ZFAT: variants seen among roughly 807,000 people sequenced by gnomAD.
ZFAT encodes zinc finger protein ZFAT.
ZFAT carries 64 observed loss-of-function variants against 117.7 expected under a neutral mutation model. The ratio of observed to expected loss-of-function variants is 0.54; its 90% CI spans 0.44 to 0.67. The LOEUF (loss-of-function observed/expected upper bound fraction) is 0.67, where lower values mean the gene tolerates loss of function less well. ZFAT is among the 30% of genes least tolerant of loss of function. ZFAT has a pLI of 0.00. For synonymous variants in ZFAT, 679 were observed against 615.0 expected, an observed-to-expected ratio of 1.10 and a Z score of -1.54; for missense variants, 1,433 against 1,584.5, an observed-to-expected ratio of 0.90 and a Z score of 1.62.
At position 134,697,883 on chromosome 8, in the gene ZFAT, TACA is replaced by T. The variant is rs1038933083; in HGVS notation, c.19+14959_19+14961del. On this transcript the variant is annotated intron_variant, in intron 1 of 15. Transcript: ENST00000377838. The stretch of plus-strand genomic sequence containing the variant: ...GGCGTGAGCCACCGCACCCAGCCAG[TACA>T]ACAATATTTAACATGCTCAGTGCTG... 5.5e-5 allele frequency among the ~76,000 whole-genome samples: 8 copies of T among 144,242 alleles called. No homozygotes were observed. The East Asian group carries it at 1.7e-3, about 31-fold the overall frequency. 94.6% of individuals were successfully genotyped at this position (144,242 alleles called of 152,430 possible). A position where few individuals can be genotyped will look rare whatever the true frequency, so the allele number is the denominator to read the frequency against.
chr8:134,611,988 C>T (rs1452847976), intron 3 of ZFAT, among the ~76,000 whole-genome samples: 1 of 152,180 alleles, frequency 6.6e-6, no homozygotes, highest in Non-Finnish European at 1.5e-5. Context: ...AAGTGAAGAA[C>T]AAAGGAGCCA....
the ZFAT span, among the ~76,000 whole-genome samples, chr8:134,776,524 TTTGTTG>T: frequency 1.3e-5 from 2 of 152,070 alleles, no homozygotes; most frequent in Non-Finnish European, 1.5e-5. Flanking sequence ...GGCTTCGTTT[TTTGTTG>T]TTGTTGTTGT....
intron 11 of ZFAT, among the ~76,000 whole-genome samples, chr8:134,556,068 G>GAAGA (rs1823592239): frequency 1.8e-5 from 2 of 109,804 alleles, no homozygotes; most frequent in Non-Finnish European, 3.6e-5. Context: ...AGGAAGGAAG[G>GAAGA]AAGGAAGGGA....
chr8:134,819,282 G>GA, the ZFAT span, among the ~76,000 whole-genome samples: 5 of 150,160 alleles, frequency 3.3e-5, no homozygotes, highest in Admixed American at 1.3e-4. Flanking sequence ...AAAAAAAAAG[G>GA]AAAAAAAAGA....
Position 134,600,542 on chromosome 8 carries a change from A to C in ZFAT, c.2369T>G (p.Ile790Ser), listed in dbSNP as rs1827338802. 6.2e-7 allele frequency: 1 copy of C among 1,614,148 alleles called. No individual in the cohort carries two copies. Among genetic ancestry groups the C allele is most frequent in the Non-Finnish European group, 8.5e-7 (1 of 1,180,032 alleles). The change falls in exon 7 of 16, where the codon ATT (isoleucine) becomes AGT (serine). Residue 790 changes from isoleucine (I) to serine (S), a missense_variant. Physicochemically the swap from Ile to Ser is moderately radical, Grantham distance 142 (BLOSUM62 -2). Around this residue, in one of 5 missense-constraint regions of ZFAT, gnomAD observed 49 missense variants for 81.5 expected, o/e 0.60. Coordinates refer to ENST00000377838, the MANE Select transcript of ZFAT (RefSeq NM_020863.4). ...CAGCAAGATGTTACTGTGTTTCTGA[A>C]TTACGTGGCGTTTAAGGCAGTTTTT... ...ITKNCLKRHVIQKHSNILLKC... is the reference protein window; with the variant it reads ...ITKNCLKRHVSQKHSNILLKC...
At chr8:134,741,310 A>G in the ZFAT span, among the ~76,000 whole-genome samples, 3,133 of 151,662 alleles carry the variant, frequency 0.021, 112 homozygotes, top group African/African-American at 0.072. Flanking sequence ...CTGCTCCAGT[A>G]CTTCTCTGAA....
the ZFAT span, chr8:134,794,648 T>C: frequency 2.0e-5 from 3 of 152,264 alleles, no homozygotes; most frequent in African/African-American, 7.2e-5. Flanking sequence ...TAATACAGAC[T>C]ATTTATCTGT....
chr8:134,501,393 A>G (rs548208897), intron 15 of ZFAT, among the ~76,000 whole-genome samples: 4 of 152,312 alleles, frequency 2.6e-5, no homozygotes, highest in Admixed American at 6.5e-5. Context: ...TCCAAATACA[A>G]TGAAGAGTAA....
Position 134,519,743 on chromosome 8 carries a change from C to A in ZFAT, c.3234+1140G>T, listed in dbSNP as rs1022374979. On this transcript the variant is annotated intron_variant, in intron 13 of 15. Transcript: ENST00000377838. ...GTTAAAGAACAGCAGAGCCACCGGGCACTCTTGTCTGCTTCTGACTTCTGT... is the reference window on the plus strand; with the variant it reads ...GTTAAAGAACAGCAGAGCCACCGGGAACTCTTGTCTGCTTCTGACTTCTGT... Among the ~76,000 whole-genome samples, 8 of 152,326 alleles carry A rather than the reference C, an allele frequency of 5.3e-5. No homozygotes were observed. In the South Asian group the frequency reaches 1.5e-3, roughly 28 times the overall value.
chr8:134,652,772 C>T (rs558513063), intron 2 of ZFAT, among the ~76,000 whole-genome samples: 10 of 152,150 alleles, frequency 6.6e-5, no homozygotes, highest in Admixed American at 5.9e-4. Context: ...AAGATAATAT[C>T]CTTGGGTTGA....
intron 11 of ZFAT, among the ~76,000 whole-genome samples, chr8:134,559,638 C>T (rs1563848317): frequency 1.3e-5 from 2 of 152,248 alleles, no homozygotes; most frequent in Non-Finnish European, 2.9e-5. Flanking sequence ...CACTAACACT[C>T]CCACCAGCAA....
rs1190727516 is a variant in ZFAT, at chr8:134,602,349, A to G, written c.1370T>C (p.Val457Ala). The G allele has an allele frequency of 3.1e-6, 5 of 1,613,718 alleles. No individual in the cohort carries two copies. Among genetic ancestry groups the G allele is most frequent in the Non-Finnish European group, 4.2e-6 (5 of 1,180,056 alleles). The stretch of plus-strand genomic sequence containing the variant: ...CTTGCGGCAGACGGCACAGACGTAC[A>G]CGAAGGGGTGCTTCCTGACATGCAG... ...LELHVRKHPF[V>A]YVCAVCRKKF... Residue 457 changes from valine to alanine, a missense_variant, in exon 6 of 16, where the codon GTG becomes GCG. Physicochemically the swap from Val to Ala is moderately conservative, Grantham distance 64 (BLOSUM62 0). Coordinates refer to ENST00000377838, the MANE Select transcript of ZFAT (RefSeq NM_020863.4).
chr8:134,493,557 A>C (rs1306356348), intron 15 of ZFAT, among the ~76,000 whole-genome samples: 1 of 152,250 alleles, frequency 6.6e-6, no homozygotes, highest in Non-Finnish European at 1.5e-5. Context: ...ATTTGACTAG[A>C]AAAGGAAACC....
At chr8:134,713,813 C>A (rs1814138344), upstream of ZFAT, among the ~76,000 whole-genome samples, 1 of 152,060 alleles carries the variant, frequency 6.6e-6, no homozygotes, top group East Asian at 1.9e-4. Flanking sequence ...CGAAACCCAT[C>A]TAAAGTAACC....
the ZFAT span, among the ~76,000 whole-genome samples, chr8:134,818,160 C>A: frequency 2.6e-5 from 4 of 152,134 alleles, no homozygotes; most frequent in African/African-American, 9.7e-5. Flanking sequence ...AAAATTAAAA[C>A]CTTTGCCCTT....
rs1827487021 is a variant in ZFAT, at chr8:134,601,794, C to G, written c.1925G>C (p.Gly642Ala). The G allele has an allele frequency of 6.2e-7, 1 of 1,613,792 alleles. No individual in the cohort carries two copies. The highest frequency in any genetic ancestry group is 1.3e-5 in the African/African-American group (1 of 74,938). ...TLLLSKAQSA[G>A]SDQESHGAQS... ...GGCGCCATGGCTTTCCTGATCTGAC[C>G]CAGCACTCTGGGCCTTGGACAGCAG... is the stretch of plus-strand genomic sequence containing the variant. Residue 642 changes from glycine to alanine, a missense_variant, in exon 6 of 16, where the codon GGG becomes GCG. By Grantham distance (60) the Gly-to-Ala change is moderately conservative. Coordinates refer to ENST00000377838, the MANE Select transcript of ZFAT (RefSeq NM_020863.4).
chr8:134,569,182 G>A (rs971407606), intron 10 of ZFAT, among the ~76,000 whole-genome samples: 1 of 152,182 alleles, frequency 6.6e-6, no homozygotes, highest in Non-Finnish European at 1.5e-5. Context: ...CAAAAACCCA[G>A]GAGGTGGGCA....
chr8:134,654,895 C>T (rs889754772), intron 2 of ZFAT, among the ~76,000 whole-genome samples: 1 of 152,136 alleles, frequency 6.6e-6, no homozygotes, highest in African/African-American at 2.4e-5. Context: ...GAAAGCACAC[C>T]CAGGTGAGAC....
At chr8:134,803,903 G>A in the ZFAT span, among the ~76,000 whole-genome samples, 1 of 152,078 alleles carries the variant, frequency 6.6e-6, no homozygotes, top group South Asian at 2.1e-4. Flanking sequence ...TCTTTTGGTG[G>A]TTTAATCATG....
Sources: allele counts gnomAD v4.1 joint callset (sites outside exome capture counted in the v4.1 genomes callset), GRCh38; gene constraint gnomAD v4.1.1; regional missense constraint gnomAD v4.1.1; transcripts MANE v1.5; gene names NCBI Gene and HGNC (gene_info 2026-07-23, HGNC 2026-07-21).